LRRC52: variants seen among roughly 807,000 people sequenced by gnomAD.
LRRC52 encodes leucine-rich repeat-containing protein 52.
In LRRC52, 15 loss-of-function variants were observed where a neutral mutation model predicts 14.7. The ratio of observed to expected loss-of-function variants is 1.02; its 90% CI spans 0.68 to 1.58. The LOEUF (loss-of-function observed/expected upper bound fraction) is 1.58. Ranked by LOEUF, LRRC52 falls within the 40% of genes most tolerant of loss-of-function variation. The pLI is 0.00. For synonymous variants in LRRC52, 180 were observed against 163.9 expected (o/e 1.10, Z -0.75); for missense variants, 400 against 387.7 (o/e 1.03, Z -0.27).
intron 1 of LRRC52, among the ~76,000 whole-genome samples, chr1:165,545,180 G>GCCTCAGTT: frequency 6.6e-6 from 1 of 152,238 alleles, no homozygotes; most frequent in East Asian, 1.9e-4. Context: ...ATTTCTCTGA[G>GCCTCAGTT]CCTCAGTTTT....
chr1:165,548,012 C>A (rs943668530), intron 1 of LRRC52, among the ~76,000 whole-genome samples: 11 of 152,160 alleles, frequency 7.2e-5, no homozygotes, highest in African/African-American at 2.7e-4. Context: ...CCTATTTATA[C>A]CACATTTGTT....
chr1:165,561,527 A>G (rs1173125356), intron 1 of LRRC52, among the ~76,000 whole-genome samples: 1 of 152,200 alleles, frequency 6.6e-6, no homozygotes, highest in African/African-American at 2.4e-5. Flanking sequence ...CAGGCTGACT[A>G]GAAAGAGGTA....
intron 1 of LRRC52, among the ~76,000 whole-genome samples, chr1:165,551,985 A>AG (rs1661140316): frequency 6.6e-6 from 1 of 151,080 alleles, no homozygotes; most frequent in African/African-American, 2.5e-5. Context: ...AAAAGAAAAA[A>AG]AAAAAAAAAA....
At chr1:165,548,982 C>T (rs1661078975) in intron 1 of LRRC52, among the ~76,000 whole-genome samples, 2 of 152,104 alleles carry the variant, frequency 1.3e-5, no homozygotes, top group African/African-American at 4.8e-5. Context: ...TATAGAGATG[C>T]AGGCGGGAAT....
chr1:165,563,879 G>C lies in LRRC52; in HGVS notation c.*55G>C. ...CCCCAGGCTCCCTGCTTTCTCTCTT[G>C]CCCTCCCCATCCCACCACCTTGGAG... On this transcript the variant is annotated 3_prime_UTR_variant, in exon 2 of 2. Coordinates refer to ENST00000294818, the MANE Select transcript of LRRC52 (RefSeq NM_001005214.4). 1.3e-6 allele frequency: 2 copies of C among 1,544,820 alleles called. No individual in the cohort carries two copies. The highest frequency in any genetic ancestry group is 1.8e-6 in the Non-Finnish European group (2 of 1,130,870).
chr1:165,562,374 T>C (rs1453081812), intron 1 of LRRC52, among the ~76,000 whole-genome samples: 1 of 152,208 alleles, frequency 6.6e-6, no homozygotes, highest in Non-Finnish European at 1.5e-5. Flanking sequence ...AGTGATCTAG[T>C]GTGTGCTGGA....
chr1:165,546,778 C>T (rs145055533), intron 1 of LRRC52, among the ~76,000 whole-genome samples: 2 of 152,224 alleles, frequency 1.3e-5, no homozygotes, highest in African/African-American at 4.8e-5. Flanking sequence ...TGTATCTTCT[C>T]AGAATTTTCA....
intron 1 of LRRC52, among the ~76,000 whole-genome samples, chr1:165,551,759 A>G (rs1661136546): frequency 6.6e-6 from 1 of 152,172 alleles, no homozygotes; most frequent in Non-Finnish European, 1.5e-5. Context: ...CGTTTTGAGC[A>G]GAGAACATCT....
chr1:165,558,511 G>A (rs939630299), intron 1 of LRRC52, among the ~76,000 whole-genome samples: 2 of 152,204 alleles, frequency 1.3e-5, no homozygotes, highest in African/African-American at 4.8e-5. Flanking sequence ...ATCAAAAGTA[G>A]AGCTTAGAGC....
intron 1 of LRRC52, among the ~76,000 whole-genome samples, chr1:165,560,579 C>T (rs1297250090): frequency 6.6e-6 from 1 of 152,112 alleles, no homozygotes; most frequent in East Asian, 1.9e-4. Flanking sequence ...GGGATGAGTT[C>T]ACGAGTGGGA....
intron 1 of LRRC52, among the ~76,000 whole-genome samples, chr1:165,557,117 A>G (rs1661250559): frequency 6.6e-6 from 1 of 152,226 alleles, no homozygotes; most frequent in South Asian, 2.1e-4. Context: ...ACAGTTCTCG[A>G]AAAGTAATTT....
intron 1 of LRRC52, among the ~76,000 whole-genome samples, chr1:165,547,707 C>T (rs947908112): frequency 1.3e-5 from 2 of 152,184 alleles, no homozygotes; most frequent in East Asian, 1.9e-4. Context: ...CATACCCACA[C>T]GTATATACCA....
chr1:165,546,075 GA>G (rs1661014775), intron 1 of LRRC52, among the ~76,000 whole-genome samples: 2 of 152,058 alleles, frequency 1.3e-5, no homozygotes, highest in African/African-American at 4.8e-5. Flanking sequence ...GGGGGAGAGA[GA>G]ATCAAGTGGT....
At chr1:165,555,323 T>C (rs571416613) in intron 1 of LRRC52, among the ~76,000 whole-genome samples, 1 of 152,154 alleles carries the variant, frequency 6.6e-6, no homozygotes, top group Admixed American at 6.5e-5. Flanking sequence ...TGGAAGAAGG[T>C]CTTTCTAGAC....
chr1:165,550,800 G>A (rs756367950), intron 1 of LRRC52, among the ~76,000 whole-genome samples: 5 of 152,022 alleles, frequency 3.3e-5, no homozygotes, highest in Non-Finnish European at 5.9e-5. Flanking sequence ...TCTAGGATAC[G>A]AGAAACAGAA....
At position 165,544,229 on chromosome 1, in the gene LRRC52, C is replaced by CCCCCCCCCCCCG; in HGVS notation, c.-68_-67insCCCCCCCCCCCG. ...CCCCTCCCCCGCCCCACCCCCCCACCGGCAGCCTTCGGATCAGAGGACAGA... is the reference window on the plus strand; with the variant it reads ...CCCCTCCCCCGCCCCACCCCCCCACCCCCCCCCCCCCGGGCAGCCTTCGGATCAGAGGACAGA... On this transcript the variant is annotated 5_prime_UTR_variant, in exon 1 of 2. Coordinates refer to ENST00000294818, the MANE Select transcript of LRRC52 (RefSeq NM_001005214.4). 1 of 1,476,568 alleles carries CCCCCCCCCCCCG rather than the reference C, an allele frequency of 6.8e-7. No individual in the cohort carries two copies. The highest frequency in any genetic ancestry group is 9.1e-7 in the Non-Finnish European group (1 of 1,101,698). 91.5% of individuals were successfully genotyped at this position (1,476,568 alleles called of 1,614,324 possible).
At chr1:165,551,429 T>C (rs963502606) in intron 1 of LRRC52, among the ~76,000 whole-genome samples, 3 of 152,240 alleles carry the variant, frequency 2.0e-5, no homozygotes, top group Non-Finnish European at 4.4e-5. Context: ...CGATTTGCTC[T>C]GAGATGCTAA....
At chr1:165,560,391 T>C (rs373464210) in intron 1 of LRRC52, among the ~76,000 whole-genome samples, 3 of 152,306 alleles carry the variant, frequency 2.0e-5, no homozygotes, top group African/African-American at 7.2e-5. Flanking sequence ...TTTTACAAAT[T>C]ACACAATTCA....
chr1:165,560,859 C>G (rs1263588504), intron 1 of LRRC52, among the ~76,000 whole-genome samples: 6 of 152,054 alleles, frequency 3.9e-5, no homozygotes, highest in African/African-American at 1.5e-4. Context: ...AGAAGGGTAG[C>G]TGCTGAGGGG....
Sources: gnomAD v4.1 joint callset for allele counts (sites outside exome capture counted in the v4.1 genomes callset) on GRCh38, gnomAD v4.1.1 for gene constraint, MANE v1.5 for transcripts, NCBI Gene and HGNC (gene_info 2026-07-23, HGNC 2026-07-21) for gene names.